Variants in PLA2G6 observed in about 807,000 individuals in gnomAD.
The protein encoded by PLA2G6 is phospholipase A2 group VI.
Under a neutral mutation model 83.8 loss-of-function variants are expected in PLA2G6, and 62 were observed. The ratio of observed to expected loss-of-function variants is 0.74; its 90% CI spans 0.60 to 0.91. The LOEUF (loss-of-function observed/expected upper bound fraction) is 0.91. Among genes scored for constraint, PLA2G6 ranks in the 40% least tolerant of loss-of-function variants. PLA2G6 has a pLI of 0.00. For synonymous variants in PLA2G6, 417 were observed against 449.8 expected, an observed-to-expected ratio of 0.93 and a Z score of 0.92; for missense variants, 944 against 1,102.0, an observed-to-expected ratio of 0.86 and a Z score of 2.03.
Position 38,128,412 on chromosome 22 carries a change from A to G in PLA2G6, c.1205T>C (p.Ile402Thr), listed in dbSNP as rs764199136. Residue 402 changes from isoleucine (I) to threonine (T), a missense_variant, in exon 9 of 17, where the codon ATC becomes ACC. Physicochemically the swap from Ile to Thr is moderately conservative, Grantham distance 89. Coordinates refer to ENST00000332509, the MANE Select transcript of PLA2G6 (RefSeq NM_003560.4). This position sits in a 1 kb window ranked among gnomAD's most constrained non-coding sequence, Gnocchi z 4.4. ...CCCCACGGTTCTCAGCAGAGTCAAG[A>G]TCGCCTTCCTGGTGACAACTTGTCA... Reference protein sequence around the residue: ...KIGRLVTRKAILTLLRTVGAE... With the variant: ...KIGRLVTRKATLTLLRTVGAE... The G allele has an allele frequency of 4.3e-6, 7 of 1,614,072 alleles. No individual in the cohort carries two copies. In the South Asian group the frequency reaches 6.6e-5, roughly 15 times the overall value.
chr22:38,166,960 C>T (rs2090238409), intron 2 of PLA2G6, among the ~76,000 whole-genome samples: 1 of 151,436 alleles, frequency 6.6e-6, no homozygotes, highest in African/African-American at 2.4e-5. Context: ...TTAAAAACAT[C>T]CTGTAAAATT....
intron 2 of PLA2G6, among the ~76,000 whole-genome samples, chr22:38,152,189 G>A (rs2089592016): frequency 6.6e-6 from 1 of 152,044 alleles, no homozygotes; most frequent in African/African-American, 2.4e-5. Flanking sequence ...ATTAGTTCCT[G>A]TAAGAACTGG....
intron 2 of PLA2G6, among the ~76,000 whole-genome samples, chr22:38,159,969 C>T (rs987021896): frequency 3.4e-4 from 52 of 152,146 alleles, no homozygotes; most frequent in African/African-American, 1.2e-3. Flanking sequence ...CAGCTGAACA[C>T]GTATCACTGA....
chr22:38,127,586 C>G (rs1460429118), intron 9 of PLA2G6: 1 of 579,444 alleles, frequency 1.7e-6, no homozygotes, highest in African/African-American at 1.9e-5. Flanking sequence ...TCGGGCTACC[C>G]TGGCTGAAGG....
At chr22:38,143,545 C>T in intron 3 of PLA2G6, 1 of 587,094 alleles carries the variant, frequency 1.7e-6, no homozygotes, top group East Asian at 3.1e-5. Flanking sequence ...AGGAAGTGGG[C>T]AGGGTGGTGG....
chr22:38,140,180 A>G lies in PLA2G6; in HGVS notation c.610-11T>C, dbSNP rs764680064. On this transcript the variant is annotated splice_polypyrimidine_tract_variant and intron_variant, in intron 4 of 16. Coordinates refer to ENST00000332509, the MANE Select transcript of PLA2G6 (RefSeq NM_003560.4). ...GTTCCTTCCAAGGAGCTGATGAAAG[A>G]GGAAGGGAAGTTTGACTCCATAGGA... 2 of 1,613,466 alleles carry G rather than the reference A, an allele frequency of 1.2e-6. No individual in the cohort carries two copies. Among genetic ancestry groups the G allele is most frequent in the South Asian group, 2.2e-5 (2 of 91,054 alleles).
intron 1 of PLA2G6, among the ~76,000 whole-genome samples, chr22:38,176,291 G>A (rs2090628076): frequency 6.6e-6 from 1 of 152,184 alleles, no homozygotes; most frequent in Admixed American, 6.5e-5. Context: ...TAAGCCGAGA[G>A]CAGAGGAGCC....
intron 1 of PLA2G6, among the ~76,000 whole-genome samples, chr22:38,176,755 C>T (rs1401241375): frequency 2.0e-5 from 3 of 152,146 alleles, no homozygotes; most frequent in East Asian, 1.9e-4. Context: ...AGGGAAGGCG[C>T]AGCCGGGCGC....
chr22:38,132,134 A>T lies in PLA2G6; in HGVS notation c.1077+697T>A. On this transcript the variant is annotated intron_variant, in intron 7 of 16. Coordinates refer to ENST00000332509, the MANE Select transcript of PLA2G6 (RefSeq NM_003560.4). The surrounding 1 kb of genome is among the most constrained non-coding windows in gnomAD (Gnocchi z 5.0). ...CATCTCGAAAAAAAAGAATACATGCACACACATATGTCTGTAACACAGTAA... is the reference window on the plus strand; with the variant it reads ...CATCTCGAAAAAAAAGAATACATGCTCACACATATGTCTGTAACACAGTAA... 1 of 455,954 alleles carries T rather than the reference A, an allele frequency of 2.2e-6. No homozygotes were observed. Among genetic ancestry groups the T allele is most frequent in the South Asian group, 1.5e-5 (1 of 64,536 alleles). The allele number at this position is 455,954 out of a possible 1,614,324, so 28.2% of individuals were successfully genotyped here.
rs192294132 is a variant in PLA2G6 at position 38,143,683 on chromosome 22, T to C, written c.426-395A>G. ...CCCCAGGAAATGGACAGAGTGATGGTGAGATGAGACAGTGCTGTCCAAAAG... is the reference window on the plus strand; with the variant it reads ...CCCCAGGAAATGGACAGAGTGATGGCGAGATGAGACAGTGCTGTCCAAAAG... On this transcript the variant is annotated intron_variant, in intron 3 of 16. Transcript: ENST00000332509. 2.2e-4 allele frequency: 82 copies of C among 368,800 alleles called. No individual in the cohort carries two copies. The East Asian group carries it at 3.1e-3, about 14-fold the overall frequency. 22.8% of individuals were successfully genotyped at this position (368,800 alleles called of 1,614,324 possible). A position where few individuals can be genotyped will look rare whatever the true frequency, so the allele number is the denominator to read the frequency against.
At chr22:38,130,315 CTGTTT>C (rs1405359532) in intron 7 of PLA2G6, 5 of 155,536 alleles carry the variant, frequency 3.2e-5, no homozygotes, top group East Asian at 1.9e-4. Flanking sequence ...GTTGTTGTTA[CTGTTT>C]TGTTTTGTTT....
At chr22:38,176,827 C>T (rs2090651054) in intron 1 of PLA2G6, among the ~76,000 whole-genome samples, 1 of 152,090 alleles carries the variant, frequency 6.6e-6, no homozygotes, top group African/African-American at 2.4e-5. Flanking sequence ...CACCTGAGGT[C>T]AGAAGTTCAA....
intron 7 of PLA2G6, among the ~76,000 whole-genome samples, chr22:38,129,997 G>A (rs2088109956): frequency 6.6e-6 from 1 of 152,214 alleles, no homozygotes; most frequent in Non-Finnish European, 1.5e-5. Context: ...TCATCCCTGA[G>A]GGGTAACCGA....
chr22:38,116,764 T>C (rs909659833), intron 12 of PLA2G6, among the ~76,000 whole-genome samples: 19 of 147,694 alleles, frequency 1.3e-4, no homozygotes, highest in Admixed American at 9.7e-4. Flanking sequence ...AGCAAGAGAA[T>C]TGCTTGAACC....
intron 11 of PLA2G6, 107 bp downstream of exon 11, chr22:38,122,985 CCCT>C (rs2087610343): frequency 9.3e-7 from 1 of 1,080,950 alleles, no homozygotes; most frequent in Admixed American, 2.0e-5. Flanking sequence ...GTGCTTATAG[CCCT>C]CCTCTACTCC....
rs1310024330 is a variant in PLA2G6, at chr22:38,120,926, C to G, written c.1592-17G>C. 1 of 1,612,634 alleles carries G rather than the reference C, an allele frequency of 6.2e-7. No individual in the cohort carries two copies. The highest frequency in any genetic ancestry group is 1.7e-5 in the Admixed American group (1 of 60,018). On this transcript the variant is annotated splice_polypyrimidine_tract_variant and intron_variant, in intron 11 of 16. Coordinates refer to ENST00000332509, the MANE Select transcript of PLA2G6 (RefSeq NM_003560.4). Reference sequence around the variant, plus strand: ...TGGACTTACCTAGGAACAAAGGGGTCAGAGGCGGGGAGATGCAGCGGCCAC... The same window carrying G: ...TGGACTTACCTAGGAACAAAGGGGTGAGAGGCGGGGAGATGCAGCGGCCAC...
intron 11 of PLA2G6, 82 bp from the exon 12 acceptor site, chr22:38,120,991 CGCAGGAGGTG>C: frequency 2.0e-6 from 3 of 1,533,782 alleles, no homozygotes; most frequent in Non-Finnish European, 2.7e-6. Context: ...AGCGCCTGAA[CGCAGGAGGTG>C]GCAGGAGGAA....
chr22:38,168,533 A>G lies in PLA2G6; in HGVS notation c.209+685T>C, dbSNP rs977967064. ...CCTAAGCAAACCCTGGGCAGCCCCT[A>G]TGAGAACGGCCATGCCCTTAAAGAG... On this transcript the variant is annotated intron_variant, in intron 2 of 16. Transcript: ENST00000332509. 5.3e-5 allele frequency among the ~76,000 whole-genome samples: 8 copies of G among 152,174 alleles called. No homozygotes were observed. In the South Asian group the frequency reaches 6.2e-4, roughly 12 times the overall value.
chr22:38,170,102 G>A (rs2090378400), intron 1 of PLA2G6, among the ~76,000 whole-genome samples: 1 of 151,800 alleles, frequency 6.6e-6, no homozygotes, highest in African/African-American at 2.4e-5. Context: ...GGAAGCTGAG[G>A]CAGGAGAATC....
Sources: gnomAD v4.1 joint callset for allele counts (sites outside exome capture counted in the v4.1 genomes callset) on GRCh38, gnomAD v4.1.1 for gene constraint, Gnocchi (gnomAD v3.1) non-coding constraint, MANE v1.5 for transcripts, NCBI Gene and HGNC (gene_info 2026-07-23, HGNC 2026-07-21) for gene names.